The following CFAP20DC variants were observed in gnomAD, a reference collection of about 807,000 sequenced individuals.
CFAP20DC encodes the protein CFAP20 domain containing.
In CFAP20DC, 84 loss-of-function variants were observed where a neutral mutation model predicts 101.7. That is an observed-to-expected ratio of 0.83 (90% CI 0.69 to 0.99). The LOEUF (loss-of-function observed/expected upper bound fraction) is 0.99. Among genes scored for constraint, CFAP20DC ranks in the 50% least tolerant of loss-of-function variants. CFAP20DC has a pLI of 0.00. For missense variants in CFAP20DC, 1,007 were observed against 970.3 expected (o/e 1.04, Z -0.50); for synonymous variants, 359 against 351.2 (o/e 1.02, Z -0.25).
Position 58,763,008 on chromosome 3 carries a change from G to T in CFAP20DC, c.2238-9145C>A, listed in dbSNP as rs199712388. Among the ~76,000 whole-genome samples, 134 of 152,186 alleles carry T rather than the reference G, an allele frequency of 8.8e-4. No homozygotes were observed. In the Middle Eastern group the frequency reaches 0.01, roughly 12 times the overall value. ...TTTCAACTTTGGTGAATCTGACAAT[G>T]ATGTGTCTTGGAGTTGCTCTTCTGG... On this transcript the variant is annotated intron_variant, in intron 15 of 16. Coordinates refer to ENST00000482387, the MANE Select transcript of CFAP20DC (RefSeq NM_001394063.1).
At chr3:58,828,962 C>T (rs547381908) in intron 14 of CFAP20DC, among the ~76,000 whole-genome samples, 6 of 152,096 alleles carry the variant, frequency 3.9e-5, no homozygotes, top group South Asian at 2.1e-4. Context: ...GATAAAGAAG[C>T]GGGAGAAATG....
At chr3:58,866,421 G>C (rs1284536059) in intron 11 of CFAP20DC, 145 bp downstream of exon 11, 1 of 587,092 alleles carries the variant, frequency 1.7e-6, no homozygotes, top group Admixed American at 3.3e-5. Flanking sequence ...ACATAAAATT[G>C]AGGTTAAATA....
intron 7 of CFAP20DC, among the ~76,000 whole-genome samples, chr3:58,883,089 T>C (rs1041469772): frequency 6.6e-6 from 1 of 152,224 alleles, no homozygotes. Context: ...TGAGTTCACT[T>C]TTGAAATTTT....
At chr3:58,832,654 T>C (rs1234568181) in intron 13 of CFAP20DC, among the ~76,000 whole-genome samples, 1 of 152,152 alleles carries the variant, frequency 6.6e-6, no homozygotes, top group Non-Finnish European at 1.5e-5. Flanking sequence ...GCCTGGAAGA[T>C]CTCATAGCTC....
At chr3:58,936,957 A>AG (rs2087757960) in intron 5 of CFAP20DC, among the ~76,000 whole-genome samples, 1 of 62,126 alleles carries the variant, frequency 1.6e-5, no homozygotes, top group Non-Finnish European at 4.9e-5. Flanking sequence ...AATTTAAGCC[A>AG]AAAAAAAAAA....
chr3:58,757,709 T>C (rs928733462), intron 15 of CFAP20DC, among the ~76,000 whole-genome samples: 1 of 152,108 alleles, frequency 6.6e-6, no homozygotes, highest in Admixed American at 6.6e-5. Context: ...TTCTGGTATA[T>C]GGTGTGAGTT....
At chr3:58,979,325 T>A (rs944408756) in intron 4 of CFAP20DC, among the ~76,000 whole-genome samples, 22 of 152,234 alleles carry the variant, frequency 1.4e-4, no homozygotes, top group Non-Finnish European at 3.1e-4. Flanking sequence ...AAAAGTAGTC[T>A]CTATCTTGTA....
intron 6 of CFAP20DC, among the ~76,000 whole-genome samples, chr3:58,905,903 A>T (rs138432831): frequency 6.6e-6 from 1 of 152,160 alleles, no homozygotes; most frequent in Non-Finnish European, 1.5e-5. Context: ...CATCTCTTGT[A>T]TCTTTCCTTT....
Position 58,863,175 on chromosome 3 carries a change from A to G in CFAP20DC, c.1593+383T>C. On this transcript the variant is annotated intron_variant, in intron 12 of 16. Coordinates refer to ENST00000482387, the MANE Select transcript of CFAP20DC (RefSeq NM_001394063.1). This position sits in a 1 kb window ranked among gnomAD's most constrained non-coding sequence, Gnocchi z 5.9. ...AAGGAAGCCAGAAAACCATCAATTT[A>G]GAATGCTTAGCAACTGCAACACAAT... 9.0e-7 allele frequency: 1 copy of G among 1,117,092 alleles called. No individual in the cohort carries two copies. 69.2% of individuals were successfully genotyped at this position (1,117,092 alleles called of 1,614,324 possible).
intron 14 of CFAP20DC, among the ~76,000 whole-genome samples, chr3:58,822,437 T>A (rs1559650409): frequency 2.8e-5 from 4 of 143,042 alleles, no homozygotes; most frequent in Non-Finnish European, 6.0e-5. Flanking sequence ...GGGACTGTTG[T>A]GGGGTGGTGG....
In CFAP20DC at chr3:58,995,376, TAA is replaced by T. The variant is rs35714840; in HGVS notation, c.278+44179_278+44180del. On this transcript the variant is annotated intron_variant, in intron 4 of 16. Transcript: ENST00000482387. Reference sequence around the variant, plus strand: ...GAAATGATTGTCAAAAATATCTCACTAAAAAAAAAAAAAACACTATTTGTAGA... The same window carrying T: ...GAAATGATTGTCAAAAATATCTCACTAAAAAAAAAAAACACTATTTGTAGA... 8.5e-3 allele frequency among the ~76,000 whole-genome samples: 1,226 copies of T among 143,828 alleles called. 17 individuals are homozygous for T. The highest frequency in any genetic ancestry group is 0.027 in the African/African-American group (1,058 of 39,418). 94.4% of individuals were successfully genotyped at this position (143,828 alleles called of 152,430 possible). A position where few individuals can be genotyped will look rare whatever the true frequency, so the allele number is the denominator to read the frequency against.
intron 4 of CFAP20DC, among the ~76,000 whole-genome samples, chr3:58,940,944 T>C (rs2088468782): frequency 6.6e-6 from 1 of 152,314 alleles, no homozygotes; most frequent in African/African-American, 2.4e-5. Context: ...TTTAATGTTT[T>C]ATAGTTTTCA....
At chr3:58,999,009 A>G (rs1282820442) in intron 4 of CFAP20DC, among the ~76,000 whole-genome samples, 1 of 152,226 alleles carries the variant, frequency 6.6e-6, no homozygotes, top group Non-Finnish European at 1.5e-5. Flanking sequence ...TGTTACCATC[A>G]TCTTCACTGA....
At chr3:58,890,917 C>T (rs374090434) in intron 6 of CFAP20DC, among the ~76,000 whole-genome samples, 15 of 142,872 alleles carry the variant, frequency 1.0e-4, no homozygotes, top group Non-Finnish European at 1.7e-4. Flanking sequence ...GGCGGCCGGG[C>T]GGAGACGCTC....
intron 4 of CFAP20DC, among the ~76,000 whole-genome samples, chr3:58,943,889 G>A (rs1384358709): frequency 6.6e-6 from 1 of 152,028 alleles, no homozygotes; most frequent in Non-Finnish European, 1.5e-5. Context: ...ATGACCTGAT[G>A]GAGCTGAAAA....
chr3:58,783,303 C>T (rs113590663), intron 15 of CFAP20DC, among the ~76,000 whole-genome samples: 2,666 of 151,872 alleles, frequency 0.018, 70 homozygotes, highest in African/African-American at 0.06. Context: ...AGACTTAAAT[C>T]TAAGACCTGA....
intron 4 of CFAP20DC, chr3:59,017,318 A>C (rs921578817): frequency 1.3e-5 from 2 of 152,158 alleles, no homozygotes; most frequent in African/African-American, 4.8e-5. Flanking sequence ...GCCCAGCTGC[A>C]TCACTGCCCC....
chr3:58,916,740 G>A (rs1230112133), intron 5 of CFAP20DC, among the ~76,000 whole-genome samples: 6 of 152,110 alleles, frequency 3.9e-5, no homozygotes, highest in Non-Finnish European at 7.4e-5. Flanking sequence ...TTGGCTAGAG[G>A]AAACAGAAAT....
intron 4 of CFAP20DC, among the ~76,000 whole-genome samples, chr3:58,952,705 C>T (rs576616556): frequency 1.6e-4 from 24 of 151,966 alleles, no homozygotes; most frequent in African/African-American, 5.3e-4. Flanking sequence ...AAAGTGTGGG[C>T]GTCAGGCTGT....
Sources: gnomAD v4.1 joint callset for allele counts (sites outside exome capture counted in the v4.1 genomes callset) on GRCh38, gnomAD v4.1.1 for gene constraint, Gnocchi (gnomAD v3.1) non-coding constraint, MANE v1.5 for transcripts, NCBI Gene and HGNC (gene_info 2026-07-23, HGNC 2026-07-21) for gene names.